CNTLN: variants seen among roughly 807,000 people sequenced by gnomAD.
CNTLN encodes the protein centlein, centrosomal protein.
Under a neutral mutation model 180.0 loss-of-function variants are expected in CNTLN, and 212 were observed. The observed-to-expected ratio is 1.18, with a 90% confidence interval of 1.05 to 1.32. The LOEUF is 1.32. CNTLN is among the 40% of genes most tolerant of loss of function. CNTLN has a pLI of 0.00. For missense variants in CNTLN, 2,095 were observed against 1,610.9 expected (o/e 1.30, Z -5.14); for synonymous variants, 722 against 563.1 (o/e 1.28, Z -3.99).
At chr9:17,478,985 G>A (rs1052881592) in intron 23 of CNTLN, among the ~76,000 whole-genome samples, 15 of 152,134 alleles carry the variant, frequency 9.9e-5, no homozygotes, top group African/African-American at 3.6e-4. Context: ...GCGAATCAAT[G>A]CCACAGTGAG....
the CNTLN span, among the ~76,000 whole-genome samples, chr9:17,519,244 GT>G: frequency 0.63 from 90,228 of 143,458 alleles, 32,785 homozygotes; most frequent in East Asian, 0.96. Flanking sequence ...AGATTTGAGT[GT>G]TTTTTTTTTT....
At chr9:17,250,110 T>C (rs894599051) in intron 5 of CNTLN, among the ~76,000 whole-genome samples, 13 of 151,922 alleles carry the variant, frequency 8.6e-5, no homozygotes, top group Admixed American at 5.3e-4. Context: ...ATAAGTTGAT[T>C]ATTAGATCTT....
intron 2 of CNTLN, among the ~76,000 whole-genome samples, chr9:17,150,279 C>T (rs545262258): frequency 9.9e-5 from 15 of 152,164 alleles, no homozygotes; most frequent in African/African-American, 3.4e-4. Context: ...TTTTTATGGT[C>T]CTAGGTCTTA....
chr9:17,413,806 GTCAGTTTC>G (rs1828030136), intron 16 of CNTLN, among the ~76,000 whole-genome samples: 1 of 152,092 alleles, frequency 6.6e-6, no homozygotes, highest in Non-Finnish European at 1.5e-5. Flanking sequence ...GAAAAAGTTT[GTCAGTTTC>G]TTAAAAACTA....
At chr9:17,370,693 C>T (rs990288005) in intron 13 of CNTLN, among the ~76,000 whole-genome samples, 3 of 152,072 alleles carry the variant, frequency 2.0e-5, no homozygotes, top group African/African-American at 7.2e-5. Flanking sequence ...ACAAACTACT[C>T]TTAAGTAGAA....
intron 6 of CNTLN, among the ~76,000 whole-genome samples, chr9:17,275,895 A>G (rs1317353293): frequency 6.6e-6 from 1 of 152,030 alleles, no homozygotes. Flanking sequence ...AAAACCAAAT[A>G]CTTCATGTTC....
chr9:17,295,997 A>AGAGTGTGT (rs1342910465), intron 6 of CNTLN, among the ~76,000 whole-genome samples: 1 of 91,290 alleles, frequency 1.1e-5, no homozygotes, highest in African/African-American at 5.9e-5. Flanking sequence ...AGAGAGAGAG[A>AGAGTGTGT]GTGTGTGTGT....
At chr9:17,400,568 C>G (rs534782226) in intron 15 of CNTLN, among the ~76,000 whole-genome samples, 3 of 152,258 alleles carry the variant, frequency 2.0e-5, no homozygotes, top group African/African-American at 7.2e-5. Context: ...CCTGTCTATG[C>G]TTCAATTTCA....
At chr9:17,273,489 T>C (rs1414785577) in intron 5 of CNTLN, among the ~76,000 whole-genome samples, 1 of 152,174 alleles carries the variant, frequency 6.6e-6, no homozygotes, top group African/African-American at 2.4e-5. Flanking sequence ...TATACATATC[T>C]TCTAGTTTAT....
Position 17,236,573 on chromosome 9 carries a change from T to G in CNTLN, c.834T>G (p.Thr278=), listed in dbSNP as rs754209915. 1 of 1,605,904 alleles carries G rather than the reference T, an allele frequency of 6.2e-7. No homozygotes were observed. The highest frequency in any genetic ancestry group is 2.2e-5 in the East Asian group (1 of 44,752). ...ATTTGAGAAAAGAAAAATATAGCAC[T>G]GATGCAAAAATAAAGGTATACAATA... The part of the protein sequence containing the change: ...EAHLRKEKYS[T]DAKIKTFEDN... The change falls in exon 5 of 26, where the codon ACT becomes ACG. Residue 278 remains threonine, a synonymous_variant. Coordinates refer to ENST00000380647, the MANE Select transcript of CNTLN (RefSeq NM_017738.4).
intron 14 of CNTLN, among the ~76,000 whole-genome samples, chr9:17,392,329 C>A (rs947821738): frequency 6.6e-6 from 1 of 152,112 alleles, no homozygotes; most frequent in Non-Finnish European, 1.5e-5. Context: ...GTTTTACTCA[C>A]TCCCCTTTGG....
At chr9:17,327,910 A>G (rs1467349645) in intron 8 of CNTLN, among the ~76,000 whole-genome samples, 3 of 151,958 alleles carry the variant, frequency 2.0e-5, no homozygotes, top group Non-Finnish European at 4.4e-5. Context: ...CCGAGATTGC[A>G]CCATTGCACT....
chr9:17,137,818 A>C (rs1283008024), intron 1 of CNTLN, among the ~76,000 whole-genome samples: 1 of 152,224 alleles, frequency 6.6e-6, no homozygotes, highest in Non-Finnish European at 1.5e-5. Flanking sequence ...AATGCCTCAG[A>C]ATAAGCATGT....
chr9:17,526,786 A>G, the CNTLN span, among the ~76,000 whole-genome samples: 2 of 152,206 alleles, frequency 1.3e-5, no homozygotes. Context: ...AATAATGATT[A>G]TCATGCTTTA....
chr9:17,394,504 A>G (rs1357156207), intron 14 of CNTLN, 30 bp from the exon 15 acceptor site: 1 of 1,399,296 alleles, frequency 7.1e-7, no homozygotes, highest in African/African-American at 1.4e-5. Context: ...TGGTTTTTGG[A>G]TTCTTAAAAG....
intron 2 of CNTLN, among the ~76,000 whole-genome samples, chr9:17,196,548 G>T (rs1038836255): frequency 6.6e-6 from 1 of 151,882 alleles, no homozygotes; most frequent in Non-Finnish European, 1.5e-5. Context: ...TGTAAGGAAT[G>T]ACATTTATTT....
At chr9:17,415,074 A>G (rs1828124221) in intron 16 of CNTLN, among the ~76,000 whole-genome samples, 1 of 152,100 alleles carries the variant, frequency 6.6e-6, no homozygotes, top group Non-Finnish European at 1.5e-5. Flanking sequence ...TGACAAAGCC[A>G]AACTCTGTCT....
the CNTLN span, among the ~76,000 whole-genome samples, chr9:17,509,192 C>T: frequency 6.6e-6 from 1 of 152,188 alleles, no homozygotes; most frequent in Non-Finnish European, 1.5e-5. Context: ...GCTATGGCCA[C>T]TACTGAGTGC....
chr9:17,370,355 C>T (rs187647508), intron 13 of CNTLN, among the ~76,000 whole-genome samples: 119 of 152,268 alleles, frequency 7.8e-4, no homozygotes, highest in African/African-American at 2.7e-3. Flanking sequence ...ATGCTGGCAG[C>T]AGACTTTTCA....
Sources: allele counts gnomAD v4.1 joint callset (sites outside exome capture counted in the v4.1 genomes callset), GRCh38; gene constraint gnomAD v4.1.1; transcripts MANE v1.5; gene names NCBI Gene and HGNC (gene_info 2026-07-23, HGNC 2026-07-21).